LTBP1: variants seen among roughly 807,000 people sequenced by gnomAD.
LTBP1 encodes the protein latent-transforming growth factor beta-binding protein 1.
In LTBP1, 129 loss-of-function variants were observed where a neutral mutation model predicts 207.6. The ratio of observed to expected loss-of-function variants is 0.62; its 90% CI spans 0.54 to 0.72. The LOEUF (loss-of-function observed/expected upper bound fraction) is 0.72, where lower values mean the gene tolerates loss of function less well. LTBP1 is among the 30% of genes least tolerant of loss of function. The pLI, the probability that LTBP1 is intolerant of heterozygous loss-of-function variation, is 0.00. For missense variants in LTBP1, 2,281 were observed against 2,217.2 expected, an observed-to-expected ratio of 1.03 and a Z score of -0.58; for synonymous variants, 963 against 833.7, an observed-to-expected ratio of 1.16 and a Z score of -2.67.
chr2:33,380,244 A>G (rs1287349652), intron 31 of LTBP1, among the ~76,000 whole-genome samples: 1 of 152,064 alleles, frequency 6.6e-6, no homozygotes, highest in Non-Finnish European at 1.5e-5. Flanking sequence ...TTCAAAGACA[A>G]ATTGTCTTTC....
chr2:33,204,075 C>G (rs1039199511), intron 7 of LTBP1, among the ~76,000 whole-genome samples: 1 of 152,098 alleles, frequency 6.6e-6, no homozygotes, highest in South Asian at 2.1e-4. Context: ...AAAATCAGTC[C>G]TCTGAAATCT....
intron 23 of LTBP1, among the ~76,000 whole-genome samples, chr2:33,309,772 T>A (rs1558989142): frequency 6.6e-6 from 1 of 152,224 alleles, no homozygotes; most frequent in Non-Finnish European, 1.5e-5. Context: ...GAGTAAGAGC[T>A]GTGTCCTCAC....
intron 18 of LTBP1, among the ~76,000 whole-genome samples, chr2:33,279,304 G>T (rs539108277): frequency 2.9e-4 from 44 of 151,952 alleles, no homozygotes; most frequent in East Asian, 2.7e-3. Context: ...AATGCCTCAA[G>T]CTGTCGTAGT....
intron 7 of LTBP1, among the ~76,000 whole-genome samples, chr2:33,215,966 G>C (rs2090666824): frequency 6.6e-6 from 1 of 152,074 alleles, no homozygotes; most frequent in Admixed American, 6.5e-5. Context: ...GCCTGCCTCG[G>C]CCTCCCAAAG....
At position 32,982,430 on chromosome 2, in the gene LTBP1, C is replaced by G. The variant is rs371623455; in HGVS notation, c.565+33485C>G. 3.9e-4 allele frequency among the ~76,000 whole-genome samples: 60 copies of G among 152,292 alleles called. No individual in the cohort carries two copies. The East Asian group carries it at 4.0e-3, about 10-fold the overall frequency. ...AAAACCAATTTTCTGGGGAGAAACT[C>G]AAGCCTGCTGCAGAAATTTGTGTAA... On this transcript the variant is annotated intron_variant, in intron 2 of 33. Coordinates refer to ENST00000404816, the MANE Select transcript of LTBP1 (RefSeq NM_206943.4).
chr2:33,336,794 T>A (rs1302222298), intron 24 of LTBP1, among the ~76,000 whole-genome samples: 1 of 152,146 alleles, frequency 6.6e-6, no homozygotes, highest in African/African-American at 2.4e-5. Flanking sequence ...GAAGAAGCAC[T>A]TTCCTAAAAA....
intron 3 of LTBP1, among the ~76,000 whole-genome samples, chr2:33,078,475 C>G (rs1361408119): frequency 6.6e-6 from 1 of 152,124 alleles, no homozygotes; most frequent in Non-Finnish European, 1.5e-5. Context: ...ATATTAAAGC[C>G]AAGCTTATCT....
chr2:33,384,014 CT>C (rs1251355643), intron 31 of LTBP1, among the ~76,000 whole-genome samples: 8 of 152,202 alleles, frequency 5.3e-5, no homozygotes, highest in Non-Finnish European at 1.2e-4. Flanking sequence ...AGAACTAAAA[CT>C]TTACCTCCTG....
At chr2:33,061,063 G>T (rs1003929033) in intron 3 of LTBP1, among the ~76,000 whole-genome samples, 1 of 152,010 alleles carries the variant, frequency 6.6e-6, no homozygotes, top group African/African-American at 2.4e-5. Flanking sequence ...TTAACTTTGA[G>T]GGATGATTAT....
At chr2:33,238,304 C>T (rs572380739) in intron 9 of LTBP1, among the ~76,000 whole-genome samples, 1 of 152,312 alleles carries the variant, frequency 6.6e-6, no homozygotes, top group East Asian at 1.9e-4. Context: ...GCCTCATTTC[C>T]TGTATAAACT....
chr2:33,353,698 T>A (rs1402410117), intron 26 of LTBP1, among the ~76,000 whole-genome samples: 1 of 152,106 alleles, frequency 6.6e-6, no homozygotes, highest in Non-Finnish European at 1.5e-5. Context: ...TCAGATTGCT[T>A]GAGTTAAATT....
At chr2:33,392,563 G>T (rs898756070) in intron 32 of LTBP1, among the ~76,000 whole-genome samples, 2 of 152,150 alleles carry the variant, frequency 1.3e-5, no homozygotes, top group Non-Finnish European at 2.9e-5. Context: ...TTTCACAAAA[G>T]CAGCCCTAGA....
chr2:33,127,201 G>C (rs1355095744), intron 4 of LTBP1, among the ~76,000 whole-genome samples: 1 of 152,014 alleles, frequency 6.6e-6, no homozygotes, highest in Non-Finnish European at 1.5e-5. Flanking sequence ...AGGAGGTTTT[G>C]GTTTTCTTCT....
intron 19 of LTBP1, among the ~76,000 whole-genome samples, chr2:33,285,558 C>T (rs1295603821): frequency 1.3e-5 from 2 of 150,604 alleles, no homozygotes; most frequent in Non-Finnish European, 2.9e-5. Flanking sequence ...AAGCAGTTCT[C>T]CTGCCTCAGT....
At chr2:33,314,158 T>G (rs1404273441) in intron 23 of LTBP1, among the ~76,000 whole-genome samples, 1 of 152,170 alleles carries the variant, frequency 6.6e-6, no homozygotes, top group Non-Finnish European at 1.5e-5. Flanking sequence ...TAGTAGTTAT[T>G]GCTTTTTGAC....
At chr2:33,089,164 AAAAAAAAAG>A (rs1470261668) in intron 3 of LTBP1, among the ~76,000 whole-genome samples, 8 of 151,432 alleles carry the variant, frequency 5.3e-5, no homozygotes, top group South Asian at 2.1e-4. Flanking sequence ...TCAAAAAAAA[AAAAAAAAAG>A]AAAAAAAGAA....
intron 31 of LTBP1, among the ~76,000 whole-genome samples, chr2:33,383,135 C>A (rs890105327): frequency 6.6e-6 from 1 of 152,236 alleles, no homozygotes. Flanking sequence ...GCAGGCAGAT[C>A]ACGAGGTCAG....
At chr2:33,242,821 C>T (rs1464741085) in intron 9 of LTBP1, among the ~76,000 whole-genome samples, 1 of 152,132 alleles carries the variant, frequency 6.6e-6, no homozygotes, top group Admixed American at 6.5e-5. Flanking sequence ...CTCAACAAGC[C>T]ATGTGTTGGC....
At chr2:33,081,146 G>C (rs146961005) in intron 3 of LTBP1, among the ~76,000 whole-genome samples, 3 of 151,976 alleles carry the variant, frequency 2.0e-5, no homozygotes, top group Non-Finnish European at 2.9e-5. Context: ...CCTTTGTTCA[G>C]TTCTTCTTGG....
Sources: gnomAD v4.1 joint callset for allele counts (sites outside exome capture counted in the v4.1 genomes callset) on GRCh38, gnomAD v4.1.1 for gene constraint, MANE v1.5 for transcripts, NCBI Gene and HGNC (gene_info 2026-07-23, HGNC 2026-07-21) for gene names.